Variants in NEGR1 observed in about 807,000 individuals in gnomAD.
The protein encoded by NEGR1 is neuronal growth regulator 1, also known as IgLON family member 4.
NEGR1 carries 10 observed loss-of-function variants against 40.9 expected under a neutral mutation model. The observed-to-expected ratio is 0.24, with a 90% CI of 0.15 to 0.42. The LOEUF (loss-of-function observed/expected upper bound fraction) is 0.42, where lower values mean the gene tolerates loss of function less well. Among genes scored for constraint, NEGR1 ranks in the 10% least tolerant of loss-of-function variants. NEGR1 has a pLI of 1.00. For synonymous variants in NEGR1, 185 were observed against 166.8 expected (o/e 1.11, Z -0.84); for missense variants, 352 against 438.9 (o/e 0.80, Z 1.77).
chr1:71,667,501 A>G (rs1049039066), intron 4 of NEGR1, among the ~76,000 whole-genome samples: 16 of 152,290 alleles, frequency 1.1e-4, no homozygotes, highest in African/African-American at 3.6e-4. Flanking sequence ...TCTGGGTTCT[A>G]GCTCCAATTC....
At chr1:71,670,960 A>T (rs752151537) in intron 4 of NEGR1, among the ~76,000 whole-genome samples, 10 of 152,000 alleles carry the variant, frequency 6.6e-5, no homozygotes, top group Admixed American at 1.3e-4. Flanking sequence ...GCCTTTAAAT[A>T]ATTTTTTTGG....
At chr1:71,600,735 C>T (rs537192014) in intron 5 of NEGR1, among the ~76,000 whole-genome samples, 78 of 152,304 alleles carry the variant, frequency 5.1e-4, no homozygotes, top group Non-Finnish European at 9.0e-4. Flanking sequence ...ACCTACATAC[C>T]ACCCTCTGTT....
At chr1:71,633,941 T>C (rs1354790674) in intron 4 of NEGR1, among the ~76,000 whole-genome samples, 1 of 152,076 alleles carries the variant, frequency 6.6e-6, no homozygotes, top group Non-Finnish European at 1.5e-5. Context: ...TCTGGTGCAC[T>C]GGACCAAAAA....
intron 1 of NEGR1, among the ~76,000 whole-genome samples, chr1:72,175,998 G>A (rs963480078): frequency 6.6e-6 from 1 of 152,098 alleles, no homozygotes; most frequent in Non-Finnish European, 1.5e-5. Flanking sequence ...TACTTTGCAA[G>A]CCTTAGAAGA....
intron 6 of NEGR1, among the ~76,000 whole-genome samples, chr1:71,434,552 G>T (rs558465638): frequency 6.6e-6 from 1 of 152,190 alleles, no homozygotes; most frequent in East Asian, 1.9e-4. Flanking sequence ...GTGATTTCTC[G>T]AGGTTCTTGT....
intron 1 of NEGR1, among the ~76,000 whole-genome samples, chr1:72,216,835 T>C (rs1458776830): frequency 1.3e-5 from 2 of 151,620 alleles, no homozygotes; most frequent in African/African-American, 4.8e-5. Context: ...ATGATGATTA[T>C]AGAATCTATC....
At chr1:71,560,079 CATGATG>C (rs3050879) in intron 6 of NEGR1, among the ~76,000 whole-genome samples, 1 of 149,732 alleles carries the variant, frequency 6.7e-6, no homozygotes, top group East Asian at 2.0e-4. Flanking sequence ...ACTAAGAGGT[CATGATG>C]ATGATGATGA....
chr1:71,580,291 A>G lies in NEGR1; in HGVS notation c.940+12526T>C, dbSNP rs558152210. On this transcript the variant is annotated intron_variant, in intron 6 of 6. Coordinates refer to ENST00000357731, the MANE Select transcript of NEGR1 (RefSeq NM_173808.3). ...ATGGACACAGGAAGGGGAACATCAC[A>G]CTCTGGAGACTGTTGTGGGGCATGG... Among the ~76,000 whole-genome samples the G allele has an allele frequency of 1.7e-4, 22 of 129,840 alleles. No homozygotes were observed. The Admixed American group carries it at 1.8e-3, about 11-fold the overall frequency. The allele number at this position is 129,840 out of a possible 152,430, so 85.2% of individuals were successfully genotyped here.
rs2101245939 is a variant in NEGR1, at chr1:71,399,281, A to G, written c.*8165T>C. 6.6e-6 allele frequency: 1 copy of G among 152,318 alleles called. No individual in the cohort carries two copies. The highest frequency in any genetic ancestry group is 2.1e-4 in the South Asian group (1 of 4,830). 9.4% of individuals were successfully genotyped at this position (152,318 alleles called of 1,614,324 possible). ...AAAAATTGCTTATTCAAATGTAAAAAAAAAAACCCAGTCTTTCTCCTTGTC... is the reference window on the plus strand; with the variant it reads ...AAAAATTGCTTATTCAAATGTAAAAGAAAAAACCCAGTCTTTCTCCTTGTC... On this transcript the variant is annotated 3_prime_UTR_variant, in exon 7 of 7. Coordinates refer to ENST00000357731, the MANE Select transcript of NEGR1 (RefSeq NM_173808.3).
intron 1 of NEGR1, among the ~76,000 whole-genome samples, chr1:72,108,410 C>T (rs1398228355): frequency 6.6e-6 from 1 of 151,492 alleles, no homozygotes; most frequent in African/African-American, 2.4e-5. Flanking sequence ...TACCATTACA[C>T]TGGCAAATAT....
intron 6 of NEGR1, among the ~76,000 whole-genome samples, chr1:71,505,382 C>T (rs1268190340): frequency 1.3e-5 from 2 of 152,002 alleles, no homozygotes; most frequent in South Asian, 2.1e-4. Context: ...GCCGGGTTCA[C>T]GCCATTCTCC....
rs1006222478 is a variant in NEGR1 at position 72,045,377 on chromosome 1, T to G, written c.177-110066A>C. Among the ~76,000 whole-genome samples, 4 of 151,782 alleles carry G rather than the reference T, an allele frequency of 2.6e-5. No individual in the cohort carries two copies. The East Asian group carries it at 5.8e-4, about 22-fold the overall frequency. On this transcript the variant is annotated intron_variant, in intron 1 of 6. Transcript: ENST00000357731. ...GGCATCCAAATATCCATAGATATGG[T>G]TGGGCTCTGTGTCCCCACCCAAACT... is the stretch of plus-strand genomic sequence containing the variant.
rs140320398 is a variant in NEGR1 at position 71,818,045 on chromosome 1, G to T, written c.410-41748C>A. On this transcript the variant is annotated intron_variant, in intron 2 of 6. Coordinates refer to ENST00000357731, the MANE Select transcript of NEGR1 (RefSeq NM_173808.3). ...TTAAAAAGTCAAAACATTAACAGAT[G>T]CCAGCAAGGCTGTAAAAAGAGGGGA... Among the ~76,000 whole-genome samples the T allele has an allele frequency of 5.2e-3, 793 of 152,140 alleles. 5 individuals are homozygous for T. Among genetic ancestry groups the T allele is most frequent in the Non-Finnish European group, 9.3e-3 (632 of 67,968 alleles).
At chr1:72,007,975 A>G (rs1646622870) in intron 1 of NEGR1, among the ~76,000 whole-genome samples, 1 of 152,168 alleles carries the variant, frequency 6.6e-6, no homozygotes, top group South Asian at 2.1e-4. Flanking sequence ...GTATTAGAAG[A>G]CATATAATAA....
chr1:71,713,133 G>A (rs1474007935), intron 3 of NEGR1, among the ~76,000 whole-genome samples: 4 of 152,192 alleles, frequency 2.6e-5, no homozygotes, highest in Non-Finnish European at 4.4e-5. Context: ...TTTAACAACT[G>A]TTCCTTTGGT....
chr1:71,706,804 C>T (rs1653916131), intron 3 of NEGR1, among the ~76,000 whole-genome samples: 1 of 151,850 alleles, frequency 6.6e-6, no homozygotes, highest in Non-Finnish European at 1.5e-5. Context: ...CATTCATCAC[C>T]TGCTAACTAA....
At chr1:71,976,051 C>T (rs1440231666) in intron 1 of NEGR1, among the ~76,000 whole-genome samples, 1 of 152,204 alleles carries the variant, frequency 6.6e-6, no homozygotes, top group African/African-American at 2.4e-5. Flanking sequence ...TTTTAACAAA[C>T]TGAGACCCTA....
chr1:72,135,813 A>G (rs1011320795), intron 1 of NEGR1, among the ~76,000 whole-genome samples: 1 of 152,198 alleles, frequency 6.6e-6, no homozygotes, highest in Non-Finnish European at 1.5e-5. Flanking sequence ...AAAAAGCTTA[A>G]TACCTGGTAT....
intron 1 of NEGR1, among the ~76,000 whole-genome samples, chr1:72,160,956 C>T (rs149870349): frequency 1.8e-3 from 271 of 152,208 alleles, no homozygotes; most frequent in African/African-American, 6.2e-3. Context: ...ATCCATGTTT[C>T]CTGGCTGATT....
Sources: gnomAD v4.1 joint callset for allele counts (sites outside exome capture counted in the v4.1 genomes callset) on GRCh38, gnomAD v4.1.1 for gene constraint, MANE v1.5 for transcripts, NCBI Gene and HGNC (gene_info 2026-07-23, HGNC 2026-07-21) for gene names.